Variants in TRIM60 observed in about 807,000 individuals in gnomAD.
TRIM60 encodes tripartite motif-containing protein 60.
For missense variants in TRIM60, 524 were observed against 540.8 expected, an observed-to-expected ratio of 0.97 and a Z score of 0.31; for synonymous variants, 189 against 195.2, an observed-to-expected ratio of 0.97 and a Z score of 0.27.
rs77293967 is a variant in TRIM60, at chr4:165,041,338, A to G, written c.1266A>G (p.Glu422=). 6.2e-7 allele frequency: 1 copy of G among 1,614,126 alleles called. No individual in the cohort carries two copies. ...AAATTGGTATTTTTCTGGACTATGA[A>G]TTGGGTGATCTTTCCTTTTATAATA... is the stretch of plus-strand genomic sequence containing the variant. The part of the protein sequence containing the change: ...PSKIGIFLDY[E]LGDLSFYNMN... The change falls in exon 3 of 3, where the codon GAA becomes GAG. Residue 422 remains glutamate, a synonymous_variant. Transcript: ENST00000512596.
intron 1 of TRIM60, among the ~76,000 whole-genome samples, chr4:165,035,167 G>C (rs73005711): frequency 0.036 from 5,433 of 152,128 alleles, 313 homozygotes; most frequent in African/African-American, 0.12. Context: ...TGGGCTCAAG[G>C]AATCCTCTCA....
chr4:165,040,514 C>T lies in TRIM60; in HGVS notation c.442C>T (p.Leu148Phe), dbSNP rs1733732525. 1 of 1,613,894 alleles carries T rather than the reference C, an allele frequency of 6.2e-7. No individual in the cohort carries two copies. The highest frequency in any genetic ancestry group is 1.3e-5 in the African/African-American group (1 of 74,874). The change falls in exon 3 of 3, where the codon CTT (leucine) becomes TTT (phenylalanine). Residue 148 changes from leucine (L) to phenylalanine (F), a missense_variant. Leu to Phe is a conservative substitution (Grantham distance 22). Coordinates refer to ENST00000512596, the MANE Select transcript of TRIM60 (RefSeq NM_152620.3). ...TCACAGAGAAATTCTAGAAGGTAGC[C>T]TTGAGCCCTTGAGGAATAATATAGA... ...SYHREILEGS[L>F]EPLRNNIERV...
chr4:165,040,302 T>C lies in TRIM60; in HGVS notation c.230T>C (p.Ile77Thr). 6.2e-7 allele frequency: 1 copy of C among 1,614,094 alleles called. No individual in the cohort carries two copies. The highest frequency in any genetic ancestry group is 8.5e-7 in the Non-Finnish European group (1 of 1,180,026). ...RNPQLRNLTE[I>T]AKQLQIRRSK... is the part of the protein sequence containing the mutation. ...CCCCAGCTCCGTAATTTGACTGAAA[T>C]TGCTAAACAACTCCAGATTAGGAGG... is the stretch of plus-strand genomic sequence containing the variant. The change falls in exon 3 of 3, where the codon ATT becomes ACT. Residue 77 changes from isoleucine to threonine, a missense_variant. Coordinates refer to ENST00000512596, the MANE Select transcript of TRIM60 (RefSeq NM_152620.3).
Position 165,041,246 on chromosome 4 carries a change from A to C in TRIM60, c.1174A>C (p.Met392Leu). ...LGGFWAIGRYMKSGYVASGPK... is the reference protein window; with the variant it reads ...LGGFWAIGRYLKSGYVASGPK... ...CGGATTCTGGGCAATTGGGCGATAC[A>C]TGAAGAGTGGTTATGTTGCGTCAGG... The change falls in exon 3 of 3, where the codon ATG (methionine) becomes CTG (leucine). Residue 392 changes from methionine to leucine, a missense_variant. Coordinates refer to ENST00000512596, the MANE Select transcript of TRIM60 (RefSeq NM_152620.3). 6.2e-7 allele frequency: 1 copy of C among 1,614,226 alleles called. No homozygotes were observed. Among genetic ancestry groups the C allele is most frequent in the Non-Finnish European group, 8.5e-7 (1 of 1,180,036 alleles).
rs148893149 is a variant in TRIM60, at chr4:165,040,278, C to T, written c.206C>T (p.Pro69Leu). 8.2e-5 allele frequency: 133 copies of T among 1,614,104 alleles called. 1 individual carries two copies. The highest frequency in any genetic ancestry group is 4.7e-4 in the South Asian group (43 of 91,086). The change falls in exon 3 of 3, where the codon CCC (proline) becomes CTC (leucine). Residue 69 changes from proline to leucine, a missense_variant. By Grantham distance (98) the Pro-to-Leu change is moderately conservative. Transcript: ENST00000512596. ...CCATACAAGAGCTTCAGGAGGAACC[C>T]CCAGCTCCGTAATTTGACTGAAATT... ...CFPYKSFRRN[P>L]QLRNLTEIAK...
At chr4:165,033,068 T>G (rs1225429143) in intron 1 of TRIM60, among the ~76,000 whole-genome samples, 1 of 149,442 alleles carries the variant, frequency 6.7e-6, no homozygotes, top group East Asian at 2.0e-4. Flanking sequence ...GGCGTGCCTG[T>G]GGTCCCAGCT....
intron 1 of TRIM60, among the ~76,000 whole-genome samples, chr4:165,037,964 C>T (rs1733662598): frequency 6.6e-6 from 1 of 151,922 alleles, no homozygotes; most frequent in South Asian, 2.1e-4. Flanking sequence ...TCCAGTCTAT[C>T]TCATTCACCA....
rs535129175 is a variant in TRIM60, at chr4:165,041,025, G to A, written c.953G>A (p.Arg318Gln). 4 of 1,613,972 alleles carry A rather than the reference G, an allele frequency of 2.5e-6. No homozygotes were observed. Among genetic ancestry groups the A allele is most frequent in the Middle Eastern group, 1.6e-4 (1 of 6,062 alleles). The part of the protein sequence containing the change: ...LLVSEDRKAV[R>Q]YERKKRNICY... ...GTCTCTGAGGATAGAAAAGCTGTGC[G>A]ATATGAAAGAAAAAAACGAAACATT... The change falls in exon 3 of 3, where the codon CGA (arginine) becomes CAA (glutamine). Residue 318 changes from arginine (R) to glutamine (Q), a missense_variant. Arg to Gln is a conservative substitution (Grantham distance 43, BLOSUM62 1). Coordinates refer to ENST00000512596, the MANE Select transcript of TRIM60 (RefSeq NM_152620.3).
At chr4:165,037,482 C>T (rs111673473) in intron 1 of TRIM60, among the ~76,000 whole-genome samples, 7,936 of 151,544 alleles carry the variant, frequency 0.052, 579 homozygotes, top group African/African-American at 0.16. Flanking sequence ...TGCCACCATG[C>T]CCAGCTAGTT....
intron 1 of TRIM60, among the ~76,000 whole-genome samples, chr4:165,033,221 A>C (rs1285363668): frequency 6.6e-6 from 1 of 151,984 alleles, no homozygotes; most frequent in Non-Finnish European, 1.5e-5. Flanking sequence ...ATAGAGGTTG[A>C]ATTTTTCTTT....
At chr4:165,037,620 G>C (rs1733654202) in intron 1 of TRIM60, among the ~76,000 whole-genome samples, 1 of 152,004 alleles carries the variant, frequency 6.6e-6, no homozygotes, top group Non-Finnish European at 1.5e-5. Context: ...ACCACCTCCT[G>C]GGCTCAAGCA....
At chr4:165,034,786 A>G (rs946078733) in intron 1 of TRIM60, among the ~76,000 whole-genome samples, 5 of 152,248 alleles carry the variant, frequency 3.3e-5, no homozygotes, top group South Asian at 2.1e-4. Flanking sequence ...TGGAATGTAC[A>G]TGACATTTTC....
At chr4:165,040,039 G>A (rs746963855) in intron 2 of TRIM60, 30 bp from the exon 3 acceptor site, 70 of 1,580,078 alleles carry the variant, frequency 4.4e-5, no homozygotes, top group Non-Finnish European at 5.6e-5. Context: ...ATCAAAGGGA[G>A]GTTACCTTAT....
At chr4:165,034,364 G>C (rs1733572145) in intron 1 of TRIM60, among the ~76,000 whole-genome samples, 1 of 152,084 alleles carries the variant, frequency 6.6e-6, no homozygotes, top group Non-Finnish European at 1.5e-5. Flanking sequence ...ATGTTAGTCA[G>C]GCTGGTCTCG....
At position 165,034,403 on chromosome 4, in the gene TRIM60, C is replaced by T. The variant is rs538632974; in HGVS notation, c.-57+2291C>T. On this transcript the variant is annotated intron_variant, in intron 1 of 2. Coordinates refer to ENST00000512596, the MANE Select transcript of TRIM60 (RefSeq NM_152620.3). ...TCCAGACCTCATGATCCACCCACCTCGGCCTCCCAAAGTGCTGGGATTACA... is the reference window on the plus strand; with the variant it reads ...TCCAGACCTCATGATCCACCCACCTTGGCCTCCCAAAGTGCTGGGATTACA... Among the ~76,000 whole-genome samples the T allele has an allele frequency of 1.2e-4, 18 of 152,232 alleles. No homozygotes were observed. In the South Asian group the frequency reaches 1.2e-3, roughly 11 times the overall value.
At chr4:165,038,901 A>G (rs1322363229) in intron 1 of TRIM60, among the ~76,000 whole-genome samples, 1 of 151,932 alleles carries the variant, frequency 6.6e-6, no homozygotes, top group East Asian at 1.9e-4. Context: ...CGTCTCTACC[A>G]AAACTATGAA....
intron 1 of TRIM60, among the ~76,000 whole-genome samples, chr4:165,036,881 CAAAA>C (rs58526101): frequency 1.3e-5 from 1 of 76,254 alleles, no homozygotes; most frequent in Non-Finnish European, 3.0e-5. Flanking sequence ...GACTCTGTCT[CAAAA>C]AAAAAAAAAA....
chr4:165,032,596 T>C (rs957156274), intron 1 of TRIM60, among the ~76,000 whole-genome samples: 4 of 152,030 alleles, frequency 2.6e-5, no homozygotes, highest in African/African-American at 7.2e-5. Flanking sequence ...TGATTGAACT[T>C]TAAAGAAGAT....
At chr4:165,038,713 G>T (rs536888447) in intron 1 of TRIM60, among the ~76,000 whole-genome samples, 9 of 149,850 alleles carry the variant, frequency 6.0e-5, no homozygotes, top group East Asian at 1.9e-4. Flanking sequence ...AACCATTTTC[G>T]TGTTGAATCT....
Sources: allele counts gnomAD v4.1 joint callset (sites outside exome capture counted in the v4.1 genomes callset), GRCh38; gene constraint gnomAD v4.1.1; transcripts MANE v1.5; gene names NCBI Gene and HGNC (gene_info 2026-07-23, HGNC 2026-07-21).